The following ADRA1A variants were observed in gnomAD, a reference collection of about 807,000 sequenced individuals.
The protein encoded by ADRA1A is adrenoceptor alpha 1A.
ADRA1A carries 31 observed loss-of-function variants against 29.6 expected under a neutral mutation model. The ratio of observed to expected loss-of-function variants is 1.05; its 90% CI spans 0.79 to 1.41. The LOEUF (loss-of-function observed/expected upper bound fraction) is 1.41. Among genes scored for constraint, ADRA1A ranks in the 40% most tolerant of loss-of-function variants. The pLI, the probability that ADRA1A is intolerant of heterozygous loss-of-function variation, is 0.00. For missense variants in ADRA1A, 619 were observed against 601.1 expected (o/e 1.03, Z -0.31); for synonymous variants, 311 against 254.3 (o/e 1.22, Z -2.12).
intron 2 of ADRA1A, among the ~76,000 whole-genome samples, chr8:26,813,833 T>C (rs547998827): frequency 6.6e-6 from 1 of 152,330 alleles, no homozygotes; most frequent in South Asian, 2.1e-4. Flanking sequence ...TATGTAAATG[T>C]CTTTTTAGAC....
chr8:26,830,988 G>A (rs1021439207), intron 2 of ADRA1A, among the ~76,000 whole-genome samples: 1 of 152,130 alleles, frequency 6.6e-6, no homozygotes. Context: ...CTGTAGAAGT[G>A]TCTTTGTTCT....
chr8:26,794,027 A>G (rs1808012126), intron 2 of ADRA1A, among the ~76,000 whole-genome samples: 1 of 152,090 alleles, frequency 6.6e-6, no homozygotes, highest in Admixed American at 6.6e-5. Context: ...GACTTGTATC[A>G]TTTAGAAATG....
At position 26,770,145 on chromosome 8, in the gene ADRA1A, T is replaced by C; in HGVS notation, c.*4A>G. On this transcript the variant is annotated 3_prime_UTR_variant, in exon 3 of 3. Coordinates refer to ENST00000380573, the MANE Select transcript of ADRA1A (RefSeq NM_000680.4). ...ATTCCCCTTTCCTCTGCATCTTTCC[T>C]GTCCTAGACTTCCTCCCCGTTCTCA... The C allele has an allele frequency of 6.5e-7, 1 of 1,532,434 alleles. No homozygotes were observed. Among genetic ancestry groups the C allele is most frequent in the Non-Finnish European group, 8.8e-7 (1 of 1,140,686 alleles). The allele number at this position is 1,532,434 out of a possible 1,614,324, so 94.9% of individuals were successfully genotyped here. A position where few individuals can be genotyped will look rare whatever the true frequency, so the allele number is the denominator to read the frequency against.
At chr8:26,785,841 G>GA (rs1554495543) in intron 2 of ADRA1A, among the ~76,000 whole-genome samples, 4 of 152,134 alleles carry the variant, frequency 2.6e-5, no homozygotes, top group Non-Finnish European at 1.5e-5. Flanking sequence ...TCACTGTTAA[G>GA]AAAAAGTGAC....
chr8:26,766,142 A>G (rs1379224405), downstream of ADRA1A: 2 of 1,605,398 alleles, frequency 1.2e-6, no homozygotes, highest in African/African-American at 2.7e-5. Context: ...TCTACAATCC[A>G]TTCCCCTCTG....
chr8:26,798,814 A>T (rs12678147), intron 2 of ADRA1A, among the ~76,000 whole-genome samples: 3 of 152,126 alleles, frequency 2.0e-5, no homozygotes, highest in African/African-American at 7.2e-5. Context: ...CATCCCCATG[A>T]CAAAATTAAA....
rs974094668 is a variant in ADRA1A at position 26,866,481 on chromosome 8, C to T, written c.-687+455G>A. 9.9e-5 allele frequency among the ~76,000 whole-genome samples: 15 copies of T among 152,146 alleles called. No homozygotes were observed. The highest frequency in any genetic ancestry group is 2.1e-4 in the Non-Finnish European group (14 of 68,030). On this transcript the variant is annotated intron_variant, in intron 1 of 2. Coordinates refer to ENST00000380573, the MANE Select transcript of ADRA1A (RefSeq NM_000680.4). This position sits in a 1 kb window ranked among gnomAD's most constrained non-coding sequence, Gnocchi z 5.7. Reference sequence around the variant, plus strand: ...CGGCATGCCAGCGGGCAGGGGCCGCCTTCGATTTTCTGGGCTGGGGGCCAC... The same window carrying T: ...CGGCATGCCAGCGGGCAGGGGCCGCTTTCGATTTTCTGGGCTGGGGGCCAC...
chr8:26,748,677 C>T (rs1055070501), exon 3 of ADRA1A: 6 of 374,818 alleles, frequency 1.6e-5, no homozygotes, highest in African/African-American at 6.7e-5. Flanking sequence ...CTCTTGAACC[C>T]GGGAGGCGGA....
intron 2 of ADRA1A, among the ~76,000 whole-genome samples, chr8:26,863,397 A>G (rs1242443951): frequency 6.6e-6 from 1 of 152,202 alleles, no homozygotes; most frequent in Non-Finnish European, 1.5e-5. Flanking sequence ...ATGATTTTGG[A>G]TAAGAGAAGT....
At position 26,841,910 on chromosome 8, in the gene ADRA1A, G is replaced by GT. The variant is rs1329189067; in HGVS notation, c.883+22176dup. The stretch of plus-strand genomic sequence containing the variant: ...TTTGTTGCCAGGATTTTATGCTGTG[G>GT]TGAGTCTCCCACTTTTCCAAAACGT... On this transcript the variant is annotated intron_variant, in intron 2 of 2. Coordinates refer to ENST00000380573, the MANE Select transcript of ADRA1A (RefSeq NM_000680.4). This position sits in a 1 kb window ranked among gnomAD's most constrained non-coding sequence, Gnocchi z 4.4. Among the ~76,000 whole-genome samples, 2 of 152,034 alleles carry GT rather than the reference G, an allele frequency of 1.3e-5. No homozygotes were observed. The highest frequency in any genetic ancestry group is 2.9e-5 in the Non-Finnish European group (2 of 68,026).
Position 26,865,102 on chromosome 8 carries a change from G to T in ADRA1A, c.-133C>A, listed in dbSNP as rs547895635. The stretch of plus-strand genomic sequence containing the variant: ...GCCCTGCCAGGTGGGTTTGGCTGGG[G>T]GTGAGAGCGCGCGCGCGGGTGGGAA... On this transcript the variant is annotated 5_prime_UTR_variant, in exon 2 of 3. Transcript: ENST00000380573. The surrounding 1 kb of genome is among the most constrained non-coding windows in gnomAD (Gnocchi z 7.6). 7.3e-4 allele frequency: 1,096 copies of T among 1,492,442 alleles called. 11 individuals carry two copies. The South Asian group carries it at 0.014, about 19-fold the overall frequency. 92.4% of individuals were successfully genotyped at this position (1,492,442 alleles called of 1,614,324 possible).
rs560877935 is a variant in ADRA1A, at chr8:26,831,045, T to C, written c.883+33042A>G. Among the ~76,000 whole-genome samples, 126 of 152,288 alleles carry C rather than the reference T, an allele frequency of 8.3e-4. 1 individual carries two copies. The highest frequency in any genetic ancestry group is 2.5e-3 in the African/African-American group (104 of 41,562). Reference sequence around the variant, plus strand: ...TGGACTTTGGGGGACTGAGGTCTTTTATAGTTAAAGAAATATACTTAGGAG... The same window carrying C: ...TGGACTTTGGGGGACTGAGGTCTTTCATAGTTAAAGAAATATACTTAGGAG... On this transcript the variant is annotated intron_variant, in intron 2 of 2. Coordinates refer to ENST00000380573, the MANE Select transcript of ADRA1A (RefSeq NM_000680.4). The surrounding 1 kb of genome is among the most constrained non-coding windows in gnomAD (Gnocchi z 5.2).
chr8:26,863,515 T>C (rs1408754900), intron 2 of ADRA1A, among the ~76,000 whole-genome samples: 2 of 152,226 alleles, frequency 1.3e-5, no homozygotes, highest in African/African-American at 4.8e-5. Context: ...AAATCATTTT[T>C]TTTTCTTAGT....
chr8:26,812,820 A>G (rs1406332850), intron 2 of ADRA1A, among the ~76,000 whole-genome samples: 7 of 151,522 alleles, frequency 4.6e-5, no homozygotes, highest in South Asian at 2.1e-4. Flanking sequence ...GCCCGCCACC[A>G]CGCCAGGCTA....
At chr8:26,752,916 A>C (rs149562971), downstream of ADRA1A, among the ~76,000 whole-genome samples, 22 of 152,328 alleles carry the variant, frequency 1.4e-4, no homozygotes, top group East Asian at 4.2e-3. Flanking sequence ...GATGTACAGT[A>C]GTCATTGTTC....
At chr8:26,765,935 A>G (rs1334478775), downstream of ADRA1A, 1 of 1,507,476 alleles carries the variant, frequency 6.6e-7, no homozygotes, top group Non-Finnish European at 8.8e-7. Context: ...CTACTGGGCC[A>G]GAAGGTTGGG....
rs542989020 is a variant in ADRA1A, at chr8:26,769,579, C to T, written c.*570G>A. The T allele has an allele frequency of 1.1e-5, 11 of 985,518 alleles. No homozygotes were observed. In the East Asian group the frequency reaches 1.2e-3, roughly 112 times the overall value. The allele number at this position is 985,518 out of a possible 1,614,324, so 61.0% of individuals were successfully genotyped here. ...GTGCAGTCAAAGGTAAACCTCACTG[C>T]CAAGTTTCCCTCAAGCTGAGAAATT... On this transcript the variant is annotated 3_prime_UTR_variant, in exon 3 of 3. Transcript: ENST00000380573.
At chr8:26,785,511 T>C (rs1807309014) in intron 2 of ADRA1A, among the ~76,000 whole-genome samples, 1 of 151,892 alleles carries the variant, frequency 6.6e-6, no homozygotes, top group Non-Finnish European at 1.5e-5. Context: ...TCTTCAGATT[T>C]CCAGTTTAGA....
Position 26,831,861 on chromosome 8 carries a change from G to T in ADRA1A, c.883+32226C>A, listed in dbSNP as rs577346169. ...TGTCAGCAGCCACCGCCCCTGCGCT[G>T]TGGGCTCCCTGCCCTGTGGAGTCCT... On this transcript the variant is annotated intron_variant, in intron 2 of 2. Coordinates refer to ENST00000380573, the MANE Select transcript of ADRA1A (RefSeq NM_000680.4). This position sits in a 1 kb window ranked among gnomAD's most constrained non-coding sequence, Gnocchi z 5.2. Among the ~76,000 whole-genome samples the T allele has an allele frequency of 1.3e-5, 2 of 152,326 alleles. No individual in the cohort carries two copies. Among genetic ancestry groups the T allele is most frequent in the East Asian group, 1.9e-4 (1 of 5,168 alleles).
Sources: gnomAD v4.1 joint callset for allele counts (sites outside exome capture counted in the v4.1 genomes callset) on GRCh38, gnomAD v4.1.1 for gene constraint, Gnocchi (gnomAD v3.1) non-coding constraint, MANE v1.5 for transcripts, NCBI Gene and HGNC (gene_info 2026-07-23, HGNC 2026-07-21) for gene names.